TBK1: variants seen among roughly 807,000 people sequenced by gnomAD.
The protein encoded by TBK1 is serine/threonine-protein kinase TBK1.
A neutral mutation model predicts 99.9 loss-of-function variants in TBK1; 37 were observed. The ratio of observed to expected loss-of-function variants is 0.37; its 90% CI spans 0.28 to 0.49. The LOEUF (loss-of-function observed/expected upper bound fraction) is 0.49. TBK1 is among the 20% of genes least tolerant of loss of function. The probability of loss-of-function intolerance (pLI) is 0.98; values close to 1 mark genes in which losing one functional copy is unlikely to be tolerated. For synonymous variants in TBK1, 258 were observed against 279.8 expected (o/e 0.92, Z 0.78); for missense variants, 644 against 872.5 (o/e 0.74, Z 3.30).
chr12:64,477,968 A>C (rs2040731732), intron 6 of TBK1, among the ~76,000 whole-genome samples: 1 of 152,200 alleles, frequency 6.6e-6, no homozygotes, highest in South Asian at 2.1e-4. Context: ...TTTTTATTTT[A>C]AAAGACATTA....
At chr12:64,452,486 T>G (rs557184618) in intron 1 of TBK1, 1 of 152,214 alleles carries the variant, frequency 6.6e-6, no homozygotes, top group Non-Finnish European at 1.5e-5. Context: ...GTCCTCGACC[T>G]GCATCCCGTC....
chr12:64,488,728 T>C, intron 12 of TBK1, 140 bp downstream of exon 12: 1 of 650,216 alleles, frequency 1.5e-6, no homozygotes, highest in Non-Finnish European at 2.6e-6. Context: ...GCACGGTGGC[T>C]CATGCCTGTA....
In TBK1 at chr12:64,464,337, A is replaced by T; in HGVS notation, c.232A>T (p.Thr78Ser). The change falls in exon 4 of 21, where the codon ACA becomes TCA. Residue 78 changes from threonine (T) to serine (S), a missense_variant. Coordinates refer to ENST00000331710, the MANE Select transcript of TBK1 (RefSeq NM_013254.4). ...AATCAATGATTTTTTTTTTCAGACAACAACAAGACATAAAGTACTTATTAT... is the reference window on the plus strand; with the variant it reads ...AATCAATGATTTTTTTTTTCAGACATCAACAAGACATAAAGTACTTATTAT... ...VKLFAIEEET[T>S]TRHKVLIMEF... is the part of the protein sequence containing the mutation. 6.4e-7 allele frequency: 1 copy of T among 1,573,706 alleles called. No individual in the cohort carries two copies. Among genetic ancestry groups the T allele is most frequent in the Non-Finnish European group, 8.6e-7 (1 of 1,166,942 alleles).
At chr12:64,497,304 T>TA in intron 18 of TBK1, 45 bp downstream of exon 18, 9 of 1,301,432 alleles carry the variant, frequency 6.9e-6, no homozygotes, top group Non-Finnish European at 9.5e-6. Flanking sequence ...TCTCAGTTTA[T>TA]AACTGATAGT....
chr12:64,468,508 G>T (rs1451819807), intron 5 of TBK1, among the ~76,000 whole-genome samples: 4 of 148,892 alleles, frequency 2.7e-5, no homozygotes, highest in Admixed American at 1.3e-4. Context: ...AAAAAAAAAA[G>T]TACCTAAAAA....
At chr12:64,458,433 GTA>G in intron 2 of TBK1, among the ~76,000 whole-genome samples, 1 of 151,782 alleles carries the variant, frequency 6.6e-6, no homozygotes, top group Non-Finnish European at 1.5e-5. Flanking sequence ...GTGGGTGTGT[GTA>G]TATGTGTGTG....
rs904427940 is a variant in TBK1, at chr12:64,481,940, A to T, written c.911A>T (p.Asp304Val). Residue 304 changes from aspartate to valine, a missense_variant, in exon 8 of 21, where the codon GAT (aspartate) becomes GTT (valine). Physicochemically the swap from Asp to Val is radical, Grantham distance 152. Around this residue, in one of 3 missense-constraint regions of TBK1, gnomAD observed 465 missense variants for 588.0 expected, o/e 0.79. Transcript: ENST00000331710. ...GACCAGTTTTTTGCAGAAACTAGTG[A>T]TATACTTCACCGAATGGTAATTCAT... ...GFDQFFAETS[D>V]ILHRMVIHVF... 4.3e-6 allele frequency: 7 copies of T among 1,611,272 alleles called. No homozygotes were observed. Among genetic ancestry groups the T allele is most frequent in the Non-Finnish European group, 5.9e-6 (7 of 1,178,800 alleles).
chr12:64,469,963 C>G (rs2136066115), intron 5 of TBK1, among the ~76,000 whole-genome samples: 1 of 152,304 alleles, frequency 6.6e-6, no homozygotes, highest in African/African-American at 2.4e-5. Flanking sequence ...CCAAGGTTTA[C>G]TGCTCTAAGA....
intron 5 of TBK1, 114 bp from the exon 6 acceptor site, chr12:64,474,116 G>A (rs1199292817): frequency 2.8e-5 from 28 of 1,015,542 alleles, no homozygotes; most frequent in Non-Finnish European, 3.9e-5. Context: ...GATTGGGAAA[G>A]TGAAGTTATT....
At position 64,497,041 on chromosome 12, in the gene TBK1, A is replaced by G. The variant is rs2040933320; in HGVS notation, c.1853A>G (p.Glu618Gly). 6.2e-7 allele frequency: 1 copy of G among 1,612,088 alleles called. No homozygotes were observed. Among genetic ancestry groups the G allele is most frequent in the Non-Finnish European group, 8.5e-7 (1 of 1,178,728 alleles). Residue 618 changes from glutamate (E) to glycine (G), a missense_variant, in exon 17 of 21, where the codon GAA becomes GGA. Physicochemically the swap from Glu to Gly is moderately conservative, Grantham distance 98. Coordinates refer to ENST00000331710, the MANE Select transcript of TBK1 (RefSeq NM_013254.4). ...GAGGCATTTTTGAATAAGTCAGAAG[A>G]ATGGATAAGGTGAGTAAACTTCTTT... ...KYEAFLNKSEEWIRKMLHLRK... is the reference protein window; with the variant it reads ...KYEAFLNKSEGWIRKMLHLRK...
chr12:64,501,353 G>A lies in TBK1; in HGVS notation c.2162G>A (p.Gly721Asp), dbSNP rs910568402. ...LERFGSLTMD[G>D]GLRNVDCL ...AGGTTTGGCTCTTTAACCATGGATGGTGGCCTTCGCAACGTTGACTGTCTT... is the reference window on the plus strand; with the variant it reads ...AGGTTTGGCTCTTTAACCATGGATGATGGCCTTCGCAACGTTGACTGTCTT... Residue 721 changes from glycine to aspartate, a missense_variant, in exon 21 of 21, where the codon GGT (glycine) becomes GAT (aspartate). Gly to Asp is a moderately conservative substitution (Grantham distance 94, BLOSUM62 -1). Around this residue, in one of 3 missense-constraint regions of TBK1, gnomAD observed 465 missense variants for 588.0 expected, o/e 0.79. Transcript: ENST00000331710. 5 of 1,613,924 alleles carry A rather than the reference G, an allele frequency of 3.1e-6. No homozygotes were observed. The highest frequency in any genetic ancestry group is 4.2e-6 in the Non-Finnish European group (5 of 1,179,950).
intron 4 of TBK1, among the ~76,000 whole-genome samples, chr12:64,466,310 A>C (rs1456208964): frequency 6.6e-6 from 1 of 152,184 alleles, no homozygotes; most frequent in Non-Finnish European, 1.5e-5. Flanking sequence ...GTTAGACAAA[A>C]TAGCTTAATT....
chr12:64,454,407 T>C lies in TBK1; in HGVS notation c.-31-1433T>C, dbSNP rs60967040. On this transcript the variant is annotated intron_variant, in intron 1 of 20. Coordinates refer to ENST00000331710, the MANE Select transcript of TBK1 (RefSeq NM_013254.4). ...GATTACAGGCATGCGCCACCACGCC[T>C]GGCTAATTTTTTTGTATTTTTAGTA... 8.0e-3 allele frequency among the ~76,000 whole-genome samples: 1,202 copies of C among 150,686 alleles called. 37 individuals are homozygous for C. Among genetic ancestry groups the C allele is most frequent in the Admixed American group, 0.053 (809 of 15,146 alleles).
intron 12 of TBK1, among the ~76,000 whole-genome samples, chr12:64,489,161 A>G (rs2040845677): frequency 6.6e-6 from 1 of 152,236 alleles, no homozygotes; most frequent in Non-Finnish European, 1.5e-5. Flanking sequence ...TCTATCTTGT[A>G]AAACAGAAAC....
chr12:64,481,723 A>G (rs979646277), intron 7 of TBK1, 119 bp from the exon 8 acceptor site: 7 of 696,904 alleles, frequency 1.0e-5, no homozygotes, highest in African/African-American at 9.3e-5. Flanking sequence ...AATTTTTTAA[A>G]TTAATCTAAT....
At chr12:64,471,563 G>A (rs1362566269) in intron 5 of TBK1, among the ~76,000 whole-genome samples, 5 of 152,008 alleles carry the variant, frequency 3.3e-5, no homozygotes, top group Admixed American at 1.3e-4. Context: ...ATGTTGGCCA[G>A]GCTAGTCTCA....
chr12:64,475,077 C>T (rs557816496), intron 6 of TBK1, among the ~76,000 whole-genome samples: 1 of 152,204 alleles, frequency 6.6e-6, no homozygotes, highest in East Asian at 1.9e-4. Flanking sequence ...GTGATTGCGC[C>T]ACGGCACTCC....
intron 20 of TBK1, among the ~76,000 whole-genome samples, chr12:64,498,681 C>T (rs2040954447): frequency 2.0e-5 from 3 of 152,256 alleles, no homozygotes; most frequent in African/African-American, 7.2e-5. Context: ...TTTGGCCAGG[C>T]ACGGTGGCTC....
chr12:64,481,162 A>G (rs768291108), intron 7 of TBK1, among the ~76,000 whole-genome samples: 13 of 152,180 alleles, frequency 8.5e-5, no homozygotes, highest in African/African-American at 2.2e-4. Context: ...ATTTTTATTT[A>G]GGAAATACTC....
Sources: gnomAD v4.1 joint callset for allele counts (sites outside exome capture counted in the v4.1 genomes callset) on GRCh38, gnomAD v4.1.1 for gene constraint, gnomAD v4.1.1 regional missense constraint, MANE v1.5 for transcripts, NCBI Gene and HGNC (gene_info 2026-07-23, HGNC 2026-07-21) for gene names.